SYT9: variants seen among roughly 807,000 people sequenced by gnomAD.
SYT9 encodes synaptotagmin 9.
SYT9 carries 22 observed loss-of-function variants against 48.4 expected under a neutral mutation model. The observed-to-expected ratio is 0.45, with a 90% CI of 0.32 to 0.65. The LOEUF (loss-of-function observed/expected upper bound fraction) is 0.65. SYT9 is among the 30% of genes least tolerant of loss of function. SYT9 has a pLI of 0.03. For synonymous variants in SYT9, 265 were observed against 245.0 expected (o/e 1.08, Z -0.76); for missense variants, 577 against 622.0 (o/e 0.93, Z 0.77).
intron 6 of SYT9, among the ~76,000 whole-genome samples, chr11:7,458,160 A>G (rs1048771041): frequency 3.9e-5 from 6 of 152,214 alleles, no homozygotes; most frequent in Non-Finnish European, 8.8e-5. Context: ...CAGATGTATT[A>G]TGTTATAGTG....
chr11:7,440,210 C>T (rs543779936), intron 6 of SYT9: 10 of 152,256 alleles, frequency 6.6e-5, no homozygotes, highest in African/African-American at 2.4e-4. Context: ...CACATAGTTT[C>T]CCACAGTTTA....
intron 3 of SYT9, among the ~76,000 whole-genome samples, chr11:7,380,172 C>A (rs997513045): frequency 7.9e-5 from 12 of 152,012 alleles, no homozygotes; most frequent in Non-Finnish European, 4.4e-5. Context: ...TCATTATGTT[C>A]AGTGAATTAA....
intron 3 of SYT9, among the ~76,000 whole-genome samples, chr11:7,328,926 G>A (rs539312978): frequency 6.6e-6 from 1 of 152,142 alleles, no homozygotes; most frequent in South Asian, 2.1e-4. Flanking sequence ...CAAACTCCTG[G>A]TTTTGAGAAA....
At chr11:7,283,063 A>C (rs17373439) in intron 1 of SYT9, among the ~76,000 whole-genome samples, 5,353 of 150,638 alleles carry the variant, frequency 0.036, 166 homozygotes, top group African/African-American at 0.085. Flanking sequence ...TTCTAGTTTT[A>C]GGTTTCTGAT....
At chr11:7,311,422 A>G (rs1304474061) in intron 2 of SYT9, among the ~76,000 whole-genome samples, 2 of 152,232 alleles carry the variant, frequency 1.3e-5, no homozygotes, top group Admixed American at 1.3e-4. Context: ...AGAAAATTCA[A>G]AGGGAAATTG....
At chr11:7,341,996 A>G (rs1021829888) in intron 3 of SYT9, among the ~76,000 whole-genome samples, 2 of 152,194 alleles carry the variant, frequency 1.3e-5, no homozygotes, top group Admixed American at 1.3e-4. Flanking sequence ...TTATAAAAAC[A>G]TCAGATCTCA....
chr11:7,271,642 T>C (rs1848298175), intron 1 of SYT9, among the ~76,000 whole-genome samples: 2 of 152,198 alleles, frequency 1.3e-5, no homozygotes, highest in African/African-American at 4.8e-5. Flanking sequence ...AGTGGCACTA[T>C]CTCCGCTCAC....
intron 6 of SYT9, among the ~76,000 whole-genome samples, chr11:7,448,403 T>G (rs1847977288): frequency 1.3e-5 from 2 of 152,352 alleles, no homozygotes; most frequent in South Asian, 4.1e-4. Context: ...CACAGACACC[T>G]CATGCACATC....
At chr11:7,394,969 T>C (rs1846721318) in intron 3 of SYT9, among the ~76,000 whole-genome samples, 1 of 152,184 alleles carries the variant, frequency 6.6e-6, no homozygotes, top group Non-Finnish European at 1.5e-5. Context: ...TTAATTTACA[T>C]GTAAAATATG....
intron 3 of SYT9, among the ~76,000 whole-genome samples, chr11:7,324,716 G>A (rs1013676742): frequency 5.3e-5 from 8 of 151,648 alleles, no homozygotes; most frequent in Non-Finnish European, 1.2e-4. Context: ...CATTATTTCT[G>A]TAACTTAATT....
chr11:7,338,902 T>G (rs7123982), intron 3 of SYT9, among the ~76,000 whole-genome samples: 1 of 152,180 alleles, frequency 6.6e-6, no homozygotes, highest in African/African-American at 2.4e-5. Context: ...TCTTTGTTAA[T>G]TTCCTGCCTC....
chr11:7,319,474 T>G (rs868016537), intron 3 of SYT9, among the ~76,000 whole-genome samples: 1 of 152,116 alleles, frequency 6.6e-6, no homozygotes, highest in African/African-American at 2.4e-5. Context: ...TTCCTTTGTA[T>G]AGGAATAAAA....
At chr11:7,246,879 A>C (rs185109178) in intron 1 of SYT9, among the ~76,000 whole-genome samples, 1 of 152,144 alleles carries the variant, frequency 6.6e-6, no homozygotes, top group African/African-American at 2.4e-5. Flanking sequence ...TGAGGCATCT[A>C]TTTTAGTCTT....
At chr11:7,421,272 C>G (rs972401069) in intron 6 of SYT9, among the ~76,000 whole-genome samples, 3 of 152,104 alleles carry the variant, frequency 2.0e-5, no homozygotes, top group African/African-American at 7.2e-5. Context: ...TTGAAGTCCC[C>G]TCATTATACA....
intron 3 of SYT9, among the ~76,000 whole-genome samples, chr11:7,337,402 T>C (rs973587914): frequency 1.1e-4 from 17 of 152,242 alleles, no homozygotes; most frequent in African/African-American, 3.4e-4. Context: ...CAATGCTATG[T>C]TGAATAGAAG....
intron 1 of SYT9, among the ~76,000 whole-genome samples, chr11:7,268,181 C>T (rs1392612335): frequency 6.6e-6 from 1 of 151,896 alleles, no homozygotes; most frequent in East Asian, 1.9e-4. Context: ...GTTGTCATTG[C>T]AACAAAAGTT....
intron 1 of SYT9, among the ~76,000 whole-genome samples, chr11:7,271,404 G>A (rs994872080): frequency 3.9e-5 from 6 of 152,132 alleles, no homozygotes; most frequent in Non-Finnish European, 7.3e-5. Context: ...ATCCTGTTGG[G>A]TCTGTAGCAA....
At chr11:7,319,099 TCTC>T (rs1462148746) in intron 3 of SYT9, among the ~76,000 whole-genome samples, 6 of 152,020 alleles carry the variant, frequency 3.9e-5, no homozygotes, top group Admixed American at 2.0e-4. Flanking sequence ...GTTTCTGACT[TCTC>T]CTTAGGTTCA....
chr11:7,297,642 T>G (rs1237279551), intron 1 of SYT9, among the ~76,000 whole-genome samples: 1 of 152,214 alleles, frequency 6.6e-6, no homozygotes, highest in Non-Finnish European at 1.5e-5. Flanking sequence ...GTCTTCCAAC[T>G]TCAGTACAGT....
Sources: gnomAD v4.1 joint callset for allele counts (sites outside exome capture counted in the v4.1 genomes callset) on GRCh38, gnomAD v4.1.1 for gene constraint, MANE v1.5 for transcripts, NCBI Gene and HGNC (gene_info 2026-07-23, HGNC 2026-07-21) for gene names.